Variants in TENM1 observed in about 807,000 individuals in gnomAD.
The protein encoded by TENM1 is teneurin-1.
Under a neutral mutation model 174.8 loss-of-function variants are expected in TENM1, and 35 were observed. The ratio of observed to expected loss-of-function variants is 0.20; its 90% CI spans 0.15 to 0.27. TENM1 has a LOEUF of 0.27. TENM1 is among the 10% of genes least tolerant of loss of function. The pLI is 1.00. For synonymous variants in TENM1, 781 were observed against 798.7 expected, an observed-to-expected ratio of 0.98 and a Z score of 0.37; for missense variants, 1,633 against 2,130.1, an observed-to-expected ratio of 0.77 and a Z score of 4.59.
intron 3 of TENM1, among the ~76,000 whole-genome samples, chrX:124,858,558 A>G (rs769237946): frequency 1.8e-5 from 2 of 111,925 alleles, no homozygotes; most frequent in Non-Finnish European, 3.8e-5. Context: ...ATATAGAGAT[A>G]GGTTAATAAT....
chrX:125,064,319 A>G, the TENM1 span, among the ~76,000 whole-genome samples: 1 of 111,912 alleles, frequency 8.9e-6, no homozygotes, highest in African/African-American at 3.3e-5. Flanking sequence ...TAATAAAAAA[A>G]AGAAAGAAAA....
At chrX:124,944,367 C>T (rs183635280) in intron 1 of TENM1, among the ~76,000 whole-genome samples, 1,194 of 111,122 alleles carry the variant, frequency 0.011, 11 homozygotes, top group Non-Finnish European at 0.016. Flanking sequence ...GAGCAGGCCA[C>T]TTAAATAAAA....
Position 124,644,210 on chromosome X carries a change from CATATAT to C in TENM1, c.1876+927_1876+932del, listed in dbSNP as rs202056765. 9.3e-4 allele frequency among the ~76,000 whole-genome samples: 89 copies of C among 95,674 alleles called. 1 individual carries two copies. In the East Asian group the frequency reaches 0.024, roughly 26 times the overall value. The allele number at this position is 95,674 out of a possible 115,157, so 83.1% of individuals were successfully genotyped here. ...ACATATATATATAAATTTACATATA[CATATAT>C]ATATATATATGGCAGATATAATCAT... On this transcript the variant is annotated intron_variant, in intron 10 of 31. Coordinates refer to ENST00000422452, the Ensembl canonical transcript of TENM1.
chrX:124,573,631 A>G (rs1383594352), intron 11 of TENM1, among the ~76,000 whole-genome samples: 1 of 112,174 alleles, frequency 8.9e-6, no homozygotes, highest in East Asian at 2.8e-4. Flanking sequence ...CACAACCACG[A>G]GTCGGATAGG....
chrX:124,452,091 C>T (rs1274889889), intron 23 of TENM1, among the ~76,000 whole-genome samples: 2 of 112,271 alleles, frequency 1.8e-5, no homozygotes, highest in African/African-American at 3.2e-5. Flanking sequence ...AGGCAACCTA[C>T]AAAATGGGAG....
At chrX:124,469,923 A>G (rs776192906) in intron 22 of TENM1, among the ~76,000 whole-genome samples, 1 of 111,773 alleles carries the variant, frequency 8.9e-6, no homozygotes, top group Admixed American at 9.5e-5. Flanking sequence ...TGATAATTAA[A>G]GGAATGGAAA....
the TENM1 span, among the ~76,000 whole-genome samples, chrX:125,116,624 T>C: frequency 8.9e-6 from 1 of 111,935 alleles, no homozygotes; most frequent in Non-Finnish European, 1.9e-5. Flanking sequence ...CCAACAAACA[T>C]ATGAAAAAAA....
intron 14 of TENM1, among the ~76,000 whole-genome samples, chrX:124,552,354 A>G (rs1183353994): frequency 2.7e-5 from 3 of 111,540 alleles, no homozygotes; most frequent in South Asian, 3.8e-4. Context: ...CCTTACATGT[A>G]TTGAAGGTAA....
At chrX:124,949,939 T>A (rs2058457771) in intron 1 of TENM1, among the ~76,000 whole-genome samples, 1 of 111,022 alleles carries the variant, frequency 9.0e-6, no homozygotes, top group African/African-American at 3.3e-5. Flanking sequence ...GGAGTCTTAG[T>A]GCTGTAGTAA....
the TENM1 span, among the ~76,000 whole-genome samples, chrX:125,001,575 A>T: frequency 9.0e-6 from 1 of 111,040 alleles, no homozygotes; most frequent in African/African-American, 3.3e-5. Context: ...CTAAGAATCT[A>T]GAGGAGGCTA....
intron 18 of TENM1, among the ~76,000 whole-genome samples, chrX:124,511,256 G>A (rs2047577730): frequency 8.9e-6 from 1 of 111,864 alleles, no homozygotes; most frequent in African/African-American, 3.2e-5. Flanking sequence ...TGGTTTTTTA[G>A]GTAGCAAACA....
At chrX:124,634,960 G>T (rs2050844971) in intron 11 of TENM1, among the ~76,000 whole-genome samples, 1 of 111,770 alleles carries the variant, frequency 8.9e-6, no homozygotes, top group Non-Finnish European at 1.9e-5. Context: ...ACATGTTTAT[G>T]TGTGTATGTA....
chrX:125,173,572 A>G, the TENM1 span, among the ~76,000 whole-genome samples: 235 of 111,390 alleles, frequency 2.1e-3, 1 homozygote, highest in African/African-American at 7.3e-3. Flanking sequence ...ACTAGATAAA[A>G]TGCCCTGATT....
chrX:124,399,020 A>G (rs1355472432), intron 27 of TENM1, among the ~76,000 whole-genome samples: 1 of 112,403 alleles, frequency 8.9e-6, no homozygotes, highest in Non-Finnish European at 1.9e-5. Flanking sequence ...ACATACAACT[A>G]GTTGTTTCTA....
chrX:125,064,393 T>C, the TENM1 span, among the ~76,000 whole-genome samples: 7 of 111,105 alleles, frequency 6.3e-5, no homozygotes, highest in Non-Finnish European at 1.3e-4. Flanking sequence ...ATTCTAATAT[T>C]GAAGCAAGAA....
At chrX:124,644,634 C>CT (rs1240932017) in intron 10 of TENM1, among the ~76,000 whole-genome samples, 1 of 110,739 alleles carries the variant, frequency 9.0e-6, no homozygotes, top group Non-Finnish European at 1.9e-5. Flanking sequence ...AGTAAGCCTG[C>CT]TTCCTTAGGC....
intron 5 of TENM1, among the ~76,000 whole-genome samples, chrX:124,695,567 T>C (rs953741307): frequency 9.0e-6 from 1 of 111,271 alleles, no homozygotes; most frequent in Non-Finnish European, 1.9e-5. Context: ...AGGCAGTCAG[T>C]GAGTAATCCA....
chrX:124,462,587 T>C (rs767488935), intron 22 of TENM1, among the ~76,000 whole-genome samples: 4 of 110,848 alleles, frequency 3.6e-5, no homozygotes, highest in Non-Finnish European at 5.7e-5. Context: ...CTCCAGTTCA[T>C]TGTGGTCTGT....
chrX:124,792,535 C>T (rs1350993592), intron 3 of TENM1, among the ~76,000 whole-genome samples: 1 of 111,818 alleles, frequency 8.9e-6, no homozygotes, highest in Admixed American at 9.5e-5. Flanking sequence ...TATGCCATTT[C>T]TCACCCAGAA....
Sources: gnomAD v4.1 joint callset for allele counts (sites outside exome capture counted in the v4.1 genomes callset) on GRCh38, gnomAD v4.1.1 for gene constraint, MANE v1.5 for transcripts, NCBI Gene and HGNC (gene_info 2026-07-23, HGNC 2026-07-21) for gene names.